ABCA12: variants seen among roughly 807,000 people sequenced by gnomAD.
ABCA12 encodes glucosylceramide transporter ABCA12.
Under a neutral mutation model 293.5 loss-of-function variants are expected in ABCA12, and 156 were observed. The ratio of observed to expected loss-of-function variants is 0.53; its 90% CI spans 0.47 to 0.61. ABCA12 has a LOEUF of 0.61. ABCA12 is among the 20% of genes least tolerant of loss of function. The pLI, the probability that ABCA12 is intolerant of heterozygous loss-of-function variation, is 0.00. For synonymous variants in ABCA12, 1,063 were observed against 1,108.0 expected, an observed-to-expected ratio of 0.96 and a Z score of 0.81; for missense variants, 2,797 against 3,090.2, an observed-to-expected ratio of 0.91 and a Z score of 2.25.
intron 2 of ABCA12, among the ~76,000 whole-genome samples, chr2:215,075,195 A>G (rs1292510123): frequency 6.6e-6 from 1 of 152,088 alleles, no homozygotes; most frequent in African/African-American, 2.4e-5. Context: ...AGGGGGGAAA[A>G]TTGAGTAATG....
chr2:215,075,417 G>A (rs553096001), intron 2 of ABCA12: 2 of 559,578 alleles, frequency 3.6e-6, no homozygotes, highest in East Asian at 3.0e-5. Context: ...CTATATATTG[G>A]CAAAATTTTC....
chr2:214,975,336 G>A (rs766337211), intron 34 of ABCA12, among the ~76,000 whole-genome samples: 46 of 152,136 alleles, frequency 3.0e-4, no homozygotes, highest in East Asian at 5.8e-4. Flanking sequence ...GGTATCACAG[G>A]AAAATGCACA....
At chr2:214,942,242 C>T (rs560133028) in intron 50 of ABCA12, among the ~76,000 whole-genome samples, 1 of 152,266 alleles carries the variant, frequency 6.6e-6, no homozygotes, top group South Asian at 2.1e-4. Flanking sequence ...GTAAAGAAGT[C>T]ACAACAGACT....
intron 50 of ABCA12, 34 bp from the exon 51 acceptor site, chr2:214,937,649 T>C (rs559284715): frequency 2.7e-6 from 4 of 1,477,192 alleles, no homozygotes; most frequent in Non-Finnish European, 3.8e-6. Flanking sequence ...TGATATGAAT[T>C]ACATTTTGCT....
chr2:215,054,709 T>C (rs755896274), intron 3 of ABCA12, 45 bp from the exon 4 acceptor site: 3 of 1,444,090 alleles, frequency 2.1e-6, no homozygotes, highest in South Asian at 2.3e-5. Context: ...CCCACATTAA[T>C]TTTAGTTACA....
At chr2:214,971,823 A>C (rs1048415886) in intron 36 of ABCA12, among the ~76,000 whole-genome samples, 7 of 152,242 alleles carry the variant, frequency 4.6e-5, no homozygotes, top group Non-Finnish European at 7.3e-5. Flanking sequence ...CCATTGGGAT[A>C]TATTGCCAAG....
chr2:215,018,080 C>T lies in ABCA12; in HGVS notation c.1710G>A (p.Arg570=), dbSNP rs761278920. 4 of 1,614,072 alleles carry T rather than the reference C, an allele frequency of 2.5e-6. No individual in the cohort carries two copies. The Admixed American group carries it at 6.7e-5, about 27-fold the overall frequency. Reference sequence around the variant, plus strand: ...TCCTGTTGGACATTCCTGTTGTTCTCCTTAAATCTTCTTTCAGCTCTTCAA... The same window carrying T: ...TCCTGTTGGACATTCCTGTTGTTCTTCTTAAATCTTCTTTCAGCTCTTCAA... ...KNVEELKEDL[R]RTTGMSNRTI... is the part of the protein sequence containing the mutation. The change falls in exon 14 of 53, where the codon AGG becomes AGA. Residue 570 remains arginine (R), a synonymous_variant. Transcript: ENST00000272895.
chr2:214,956,781 A>G lies in ABCA12; in HGVS notation c.6118-3T>C. 6.3e-7 allele frequency: 1 copy of G among 1,596,562 alleles called. No individual in the cohort carries two copies. The highest frequency in any genetic ancestry group is 8.6e-7 in the Non-Finnish European group (1 of 1,164,408). On this transcript the variant is annotated splice_polypyrimidine_tract_variant and splice_region_variant and intron_variant, in intron 41 of 52. Coordinates refer to ENST00000272895, the MANE Select transcript of ABCA12 (RefSeq NM_173076.3). The stretch of plus-strand genomic sequence containing the variant: ...GCTACAGGCACCAAGTAGAAAACCT[A>G]TGGAAATATTCAAAACAATGTTTAA...
At chr2:214,942,855 T>C (rs1698450246) in intron 50 of ABCA12, 70 bp downstream of exon 50, 13 of 1,375,032 alleles carry the variant, frequency 9.5e-6, no homozygotes, top group Non-Finnish European at 1.1e-5. Flanking sequence ...GAGATAATCC[T>C]TGAATCTGAG....
chr2:215,134,324 A>G (rs934865627), intron 1 of ABCA12, among the ~76,000 whole-genome samples: 3 of 143,142 alleles, frequency 2.1e-5, no homozygotes, highest in South Asian at 2.1e-4. Flanking sequence ...GTATATATGT[A>G]TATATGTACA....
intron 5 of ABCA12, among the ~76,000 whole-genome samples, chr2:215,050,072 C>T (rs973134803): frequency 1.1e-4 from 16 of 152,102 alleles, no homozygotes; most frequent in Admixed American, 9.2e-4. Context: ...CATTTCTTGT[C>T]TCTGACCAGA....
rs1000974750 is a variant in ABCA12, at chr2:215,031,817, T to C, written c.1061+4A>G. 1.2e-6 allele frequency: 2 copies of C among 1,613,952 alleles called. No individual in the cohort carries two copies. Among genetic ancestry groups the C allele is most frequent in the African/African-American group, 1.3e-5 (1 of 75,066 alleles). ...TACCTATTTAGAAATAAACAAAGAC[T>C]TACTGTGCAGCCAGACTGCTTGGAG... On this transcript the variant is annotated splice_donor_region_variant and intron_variant, in intron 9 of 52. Coordinates refer to ENST00000272895, the MANE Select transcript of ABCA12 (RefSeq NM_173076.3).
In ABCA12 at chr2:215,135,113, C is replaced by T. The variant is rs1703195975; in HGVS notation, c.69+3027G>A. ...AAGTAGCTGGGATTACAGGCACCTGCCATCCCACCCAGCTAATTTTTGTAT... is the reference window on the plus strand; with the variant it reads ...AAGTAGCTGGGATTACAGGCACCTGTCATCCCACCCAGCTAATTTTTGTAT... On this transcript the variant is annotated intron_variant, in intron 1 of 52. Transcript: ENST00000272895. 2.0e-5 allele frequency among the ~76,000 whole-genome samples: 3 copies of T among 152,256 alleles called. 1 individual carries two copies. The highest frequency in any genetic ancestry group is 7.2e-5 in the African/African-American group (3 of 41,556).
intron 15 of ABCA12, among the ~76,000 whole-genome samples, chr2:215,013,924 T>C (rs1337826948): frequency 1.3e-5 from 2 of 152,210 alleles, no homozygotes; most frequent in African/African-American, 2.4e-5. Flanking sequence ...CTCACTCCTG[T>C]AATCCCAGCA....
intron 6 of ABCA12, among the ~76,000 whole-genome samples, chr2:215,046,508 CGT>C (rs1004198615): frequency 2.8e-5 from 4 of 144,904 alleles, no homozygotes; most frequent in South Asian, 2.2e-4. Flanking sequence ...TATATAAGAG[CGT>C]GTGTGTGTGT....
chr2:215,003,980 A>C (rs898820016), intron 20 of ABCA12, among the ~76,000 whole-genome samples: 1 of 152,140 alleles, frequency 6.6e-6, no homozygotes, highest in African/African-American at 2.4e-5. Flanking sequence ...CATTATAATT[A>C]TTGAAACTAA....
rs529106515 is a variant in ABCA12 at position 215,090,216 on chromosome 2, G to A, written c.163+21381C>T. ...AACTTCCTTTGCTGACTCTCTTTTC[G>A]GAATCAGCCCACCTGCACCCAGGTA... On this transcript the variant is annotated intron_variant, in intron 2 of 52. Coordinates refer to ENST00000272895, the MANE Select transcript of ABCA12 (RefSeq NM_173076.3). Among the ~76,000 whole-genome samples the A allele has an allele frequency of 3.0e-4, 46 of 152,162 alleles. No homozygotes were observed. In the South Asian group the frequency reaches 6.0e-3, roughly 20 times the overall value.
intron 20 of ABCA12, 138 bp from the exon 21 acceptor site, chr2:215,001,875 C>T: frequency 2.6e-6 from 2 of 778,026 alleles, no homozygotes; most frequent in Non-Finnish European, 4.0e-6. Context: ...CTAAAAATAT[C>T]TAGTATTCTA....
intron 2 of ABCA12, among the ~76,000 whole-genome samples, chr2:215,102,524 A>T (rs1702380883): frequency 6.6e-6 from 1 of 152,294 alleles, no homozygotes; most frequent in South Asian, 2.1e-4. Context: ...GCTTGAACCC[A>T]GGAGGCGGAG....
Sources: gnomAD v4.1 joint callset for allele counts (sites outside exome capture counted in the v4.1 genomes callset) on GRCh38, gnomAD v4.1.1 for gene constraint, MANE v1.5 for transcripts, NCBI Gene and HGNC (gene_info 2026-07-23, HGNC 2026-07-21) for gene names.